DNAH9: variants seen among roughly 807,000 people sequenced by gnomAD.
The protein encoded by DNAH9 is dynein axonemal heavy chain 9, also known as DNAH9 variant protein.
DNAH9 carries 345 observed loss-of-function variants against 471.6 expected under a neutral mutation model. That is an observed-to-expected ratio of 0.73 (90% CI 0.67 to 0.80). The LOEUF is 0.80. DNAH9 is among the 30% of genes least tolerant of loss of function. DNAH9 has a pLI of 0.00. For synonymous variants in DNAH9, 2,093 were observed against 2,123.6 expected, an observed-to-expected ratio of 0.99 and a Z score of 0.40; for missense variants, 5,407 against 5,609.2, an observed-to-expected ratio of 0.96 and a Z score of 1.15.
chr17:11,643,327 CA>C (rs1336564974), intron 10 of DNAH9, among the ~76,000 whole-genome samples: 26 of 152,252 alleles, frequency 1.7e-4, no homozygotes, highest in African/African-American at 5.8e-4. Context: ...GCACATGTTT[CA>C]GGGGTAAGAG....
intron 26 of DNAH9, among the ~76,000 whole-genome samples, chr17:11,710,490 A>G (rs956296444): frequency 3.9e-5 from 6 of 152,220 alleles, no homozygotes; most frequent in Non-Finnish European, 8.8e-5. Flanking sequence ...ATTGCACAAC[A>G]CCCTGACTAG....
rs1253966104 is a variant in DNAH9, at chr17:11,714,545, C to T, written c.5553-4789C>T. Among the ~76,000 whole-genome samples the T allele has an allele frequency of 5.2e-4, 79 of 152,110 alleles. 1 individual carries two copies. Among genetic ancestry groups the T allele is most frequent in the Non-Finnish European group, 1.3e-4 (9 of 68,028 alleles). On this transcript the variant is annotated intron_variant, in intron 26 of 68. Transcript: ENST00000262442. ...GAATTCTACAAATGATCTCTAAGGA[C>T]CCTCACCCTTCTATAGTCTCTTCCC...
intron 49 of DNAH9, among the ~76,000 whole-genome samples, chr17:11,843,890 T>TATATATATATATATATATATATATAC (rs1389217941): frequency 3.1e-5 from 4 of 127,224 alleles, no homozygotes; most frequent in African/African-American, 9.3e-5. Context: ...TATATATATA[T>TATATATATATATATATATATATATAC]ACACATAGAG....
Position 11,697,547 on chromosome 17 carries a change from A to T in DNAH9, c.4873-2184A>T, listed in dbSNP as rs1163703898. Among the ~76,000 whole-genome samples, 3 of 152,210 alleles carry T rather than the reference A, an allele frequency of 2.0e-5. No homozygotes were observed. In the East Asian group the frequency reaches 5.8e-4, roughly 29 times the overall value. On this transcript the variant is annotated intron_variant, in intron 22 of 68. Coordinates refer to ENST00000262442, the MANE Select transcript of DNAH9 (RefSeq NM_001372.4). ...CTAAAACATGATGAGATTTTGTCCTATCTGAAAACGAGTGCTTTTATGATC... is the reference window on the plus strand; with the variant it reads ...CTAAAACATGATGAGATTTTGTCCTTTCTGAAAACGAGTGCTTTTATGATC...
Position 11,623,181 on chromosome 17 carries a change from T to C in DNAH9, c.1350+3400T>C, listed in dbSNP as rs183856862. On this transcript the variant is annotated intron_variant, in intron 6 of 68. Transcript: ENST00000262442. This position sits in a 1 kb window ranked among gnomAD's most constrained non-coding sequence, Gnocchi z 4.1. Reference sequence around the variant, plus strand: ...TAGAGACAGGGTCTTTCTGTGTTGGTCAGGCTGGTCTTGAACTCCCAACCT... The same window carrying C: ...TAGAGACAGGGTCTTTCTGTGTTGGCCAGGCTGGTCTTGAACTCCCAACCT... Among the ~76,000 whole-genome samples, 51 of 152,046 alleles carry C rather than the reference T, an allele frequency of 3.4e-4. No individual in the cohort carries two copies. The highest frequency in any genetic ancestry group is 2.0e-3 in the Admixed American group (30 of 15,284).
chr17:11,750,435 A>G (rs1967100349), intron 32 of DNAH9, among the ~76,000 whole-genome samples: 1 of 152,220 alleles, frequency 6.6e-6, no homozygotes, highest in South Asian at 2.1e-4. Flanking sequence ...AACTCAATAT[A>G]ATAACAAAGT....
chr17:11,703,039 G>A (rs1194853768), intron 24 of DNAH9, among the ~76,000 whole-genome samples: 2 of 150,960 alleles, frequency 1.3e-5, no homozygotes, highest in Non-Finnish European at 2.9e-5. Flanking sequence ...CTTGCAGTAA[G>A]CTGAGATCGT....
chr17:11,632,177 A>T (rs545986788), intron 7 of DNAH9, among the ~76,000 whole-genome samples: 1 of 152,346 alleles, frequency 6.6e-6, no homozygotes, highest in South Asian at 2.1e-4. Context: ...GACAATGGAA[A>T]AACAGAATTC....
At chr17:11,637,208 T>C (rs2073182010) in intron 9 of DNAH9, among the ~76,000 whole-genome samples, 1 of 152,154 alleles carries the variant, frequency 6.6e-6, no homozygotes. Context: ...GCAGGAGCCC[T>C]CCAAAGGGCA....
chr17:11,860,472 C>T (rs1288064487), intron 50 of DNAH9, among the ~76,000 whole-genome samples: 2 of 152,130 alleles, frequency 1.3e-5, no homozygotes, highest in Non-Finnish European at 2.9e-5. Context: ...ACTGAACTAA[C>T]AGTTTTGCAA....
Position 11,712,004 on chromosome 17 carries a change from G to GTATATATATTTATATATAAA in DNAH9, c.5552+6838_5552+6857dup, listed in dbSNP as rs2074853219. Among the ~76,000 whole-genome samples, 2 of 468 alleles carry GTATATATATTTATATATAAA rather than the reference G, an allele frequency of 4.3e-3. 1 individual carries two copies. The highest frequency in any genetic ancestry group is 6.3e-3 in the African/African-American group (2 of 318). The allele number at this position is 468 out of a possible 152,430, so 0.3% of individuals were successfully genotyped here. ...TATTTATATATAAATATATATATTTGTATATATATTTATATATAAATATAT... is the reference window on the plus strand; with the variant it reads ...TATTTATATATAAATATATATATTTGTATATATATTTATATATAAATATATATATTTATATATAAATATAT... On this transcript the variant is annotated intron_variant, in intron 26 of 68. Coordinates refer to ENST00000262442, the MANE Select transcript of DNAH9 (RefSeq NM_001372.4).
chr17:11,755,281 C>T (rs1967331080), intron 33 of DNAH9, among the ~76,000 whole-genome samples: 1 of 151,934 alleles, frequency 6.6e-6, no homozygotes, highest in South Asian at 2.1e-4. Context: ...GTTTTTTTTG[C>T]TTATGATTGC....
chr17:11,925,432 T>A, intron 62 of DNAH9: 2 of 287,722 alleles, frequency 7.0e-6, no homozygotes, highest in South Asian at 6.5e-5. Context: ...GATCTGCCCC[T>A]CCCAGGGCCT....
At position 11,822,959 on chromosome 17, in the gene DNAH9, G is replaced by A; in HGVS notation, c.9171G>A (p.Arg3057=). The change falls in exon 48 of 69, where the codon AGG becomes AGA. Residue 3057 remains arginine, a synonymous_variant. Transcript: ENST00000262442. ...GACTCTACCAGAGCTTGTTGCACAGGCACAGAAAAGAGCTCAAGTGCAAGA... is the reference window on the plus strand; with the variant it reads ...GACTCTACCAGAGCTTGTTGCACAGACACAGAAAAGAGCTCAAGTGCAAGA... ...FIRLYQSLLH[R]HRKELKCKTE... The A allele has an allele frequency of 1.2e-6, 2 of 1,614,164 alleles. No homozygotes were observed. Among genetic ancestry groups the A allele is most frequent in the South Asian group, 1.1e-5 (1 of 91,076 alleles).
Position 11,937,415 on chromosome 17 carries a change from A to G in DNAH9, c.12553A>G (p.Ile4185Val), listed in dbSNP as rs747510072. ...CTATGGCCTCCACCCGAACGCAGAG[A>G]TTGGCTTCCTGACCCAAACCTCAGA... is the stretch of plus-strand genomic sequence containing the variant. ...YLYGLHPNAEIGFLTQTSEKL... is the reference protein window; with the variant it reads ...YLYGLHPNAEVGFLTQTSEKL... The change falls in exon 66 of 69, where the codon ATT (isoleucine) becomes GTT (valine). Residue 4185 changes from isoleucine (I) to valine (V), a missense_variant. By Grantham distance (29) the Ile-to-Val change is conservative. Around this residue, in one of 3 missense-constraint regions of DNAH9, gnomAD observed 4,636 missense variants for 4,900.3 expected, o/e 0.95. Transcript: ENST00000262442. The surrounding 1 kb of genome is among the most constrained non-coding windows in gnomAD (Gnocchi z 4.1). 2 of 1,614,018 alleles carry G rather than the reference A, an allele frequency of 1.2e-6. No homozygotes were observed. Among genetic ancestry groups the G allele is most frequent in the East Asian group, 2.2e-5 (1 of 44,866 alleles).
rs746091107 is a variant in DNAH9, at chr17:11,930,103, CG to C, written c.12105+13del. 1.9e-6 allele frequency: 3 copies of C among 1,609,344 alleles called. No individual in the cohort carries two copies. The highest frequency in any genetic ancestry group is 2.5e-6 in the Non-Finnish European group (3 of 1,177,168). ...GGACAACTTCACTCAGGTACGGCCC[CG>C]GGAGGGAGGCAAAAACAGCAGCACA... On this transcript the variant is annotated intron_variant, in intron 63 of 68. Transcript: ENST00000262442.
At chr17:11,784,757 G>A (rs190170010) in intron 41 of DNAH9, among the ~76,000 whole-genome samples, 159 of 152,158 alleles carry the variant, frequency 1.0e-3, no homozygotes, top group African/African-American at 3.0e-3. Context: ...ATTATTTCTC[G>A]GTAAGCAGCA....
Position 11,694,704 on chromosome 17 carries a change from C to CGCTT in DNAH9, c.4872+257_4872+258insGCTT, listed in dbSNP as rs1313576526. ...TCGCTTTCTCGCTTTCTCGCTTTCT[C>CGCTT]TCTCTCTCTCTCTCTCTCTCTCTTT... On this transcript the variant is annotated intron_variant, in intron 22 of 68. Coordinates refer to ENST00000262442, the MANE Select transcript of DNAH9 (RefSeq NM_001372.4). Among the ~76,000 whole-genome samples the CGCTT allele has an allele frequency of 4.7e-3, 17 of 3,620 alleles. 5 individuals carry two copies. Among genetic ancestry groups the CGCTT allele is most frequent in the African/African-American group, 6.2e-3 (17 of 2,756 alleles). 2.4% of individuals were successfully genotyped at this position (3,620 alleles called of 152,430 possible). A position where few individuals can be genotyped will look rare whatever the true frequency, so the allele number is the denominator to read the frequency against.
At chr17:11,697,421 A>T (rs1265074302) in intron 22 of DNAH9, among the ~76,000 whole-genome samples, 1 of 152,208 alleles carries the variant, frequency 6.6e-6, no homozygotes, top group Non-Finnish European at 1.5e-5. Context: ...AAAAATTTCT[A>T]GATAGCCTAA....
Sources: allele counts gnomAD v4.1 joint callset (sites outside exome capture counted in the v4.1 genomes callset), GRCh38; gene constraint gnomAD v4.1.1; regional missense constraint gnomAD v4.1.1; non-coding constraint Gnocchi (gnomAD v3.1); transcripts MANE v1.5; gene names NCBI Gene and HGNC (gene_info 2026-07-23, HGNC 2026-07-21).